The following MBD5 variants were observed in gnomAD, a reference collection of about 807,000 sequenced individuals.
MBD5 encodes the protein methyl-CpG-binding domain protein 5.
Under a neutral mutation model 117.3 loss-of-function variants are expected in MBD5, and 13 were observed. The ratio of observed to expected loss-of-function variants is 0.11; its 90% CI spans 0.07 to 0.18. The LOEUF is 0.18. Ranked by LOEUF, MBD5 falls within the 10% of genes least tolerant of loss-of-function variation. The pLI is 1.00. For synonymous variants in MBD5, 727 were observed against 766.4 expected, an observed-to-expected ratio of 0.95 and a Z score of 0.85; for missense variants, 1,879 against 2,093.8, an observed-to-expected ratio of 0.90 and a Z score of 2.00.
chr2:148,490,644 A>C, intron 11 of MBD5, 50 bp downstream of exon 11: 1 of 1,605,438 alleles, frequency 6.2e-7, no homozygotes, highest in Non-Finnish European at 8.5e-7. Flanking sequence ...TTCAGATATC[A>C]ATTATTGCTT....
chr2:148,312,130 T>G (rs1574272200), intron 3 of MBD5, among the ~76,000 whole-genome samples: 1 of 152,142 alleles, frequency 6.6e-6, no homozygotes, highest in African/African-American at 2.4e-5. Context: ...ATGTGTCTTG[T>G]GGTTGCTCTT....
At chr2:148,370,499 A>AT (rs1269833756) in intron 4 of MBD5, among the ~76,000 whole-genome samples, 1 of 151,850 alleles carries the variant, frequency 6.6e-6, no homozygotes, top group Non-Finnish European at 1.5e-5. Context: ...TTATTTATTT[A>AT]TTATTTACTT....
intron 3 of MBD5, among the ~76,000 whole-genome samples, chr2:148,327,842 C>T (rs1219594346): frequency 6.6e-6 from 1 of 152,192 alleles, no homozygotes; most frequent in Non-Finnish European, 1.5e-5. Flanking sequence ...TCTCTCAGCT[C>T]GTCAAAGTCA....
chr2:148,163,367 G>A (rs993409878), intron 1 of MBD5, among the ~76,000 whole-genome samples: 4 of 152,082 alleles, frequency 2.6e-5, no homozygotes, highest in South Asian at 2.1e-4. Flanking sequence ...GATTTCCATC[G>A]GTTAATTTGC....
At chr2:148,492,188 G>A (rs544980259) in intron 11 of MBD5, among the ~76,000 whole-genome samples, 1 of 150,548 alleles carries the variant, frequency 6.6e-6, no homozygotes, top group South Asian at 2.1e-4. Context: ...AAAAAAAAAC[G>A]AAGAGAAAAA....
In MBD5 at chr2:148,515,665, T is replaced by C. The variant is rs1180196049; in HGVS notation, c.*2724T>C. 1 of 152,216 alleles carries C rather than the reference T, an allele frequency of 6.6e-6. No homozygotes were observed. Among genetic ancestry groups the C allele is most frequent in the Non-Finnish European group, 1.5e-5 (1 of 68,036 alleles). The allele number at this position is 152,216 out of a possible 1,614,324, so 9.4% of individuals were successfully genotyped here. On this transcript the variant is annotated 3_prime_UTR_variant, in exon 14 of 14. Transcript: ENST00000642680. ...AAAATTTTTATTCCCTAAAATAAAC[T>C]TTTTAAGAAACAAATCCAAGAATGG...
chr2:148,048,285 C>T (rs1217867060), intron 1 of MBD5, among the ~76,000 whole-genome samples: 2 of 152,128 alleles, frequency 1.3e-5, no homozygotes, highest in African/African-American at 4.8e-5. Flanking sequence ...TATATTAAGG[C>T]TCCTGATAGG....
intron 3 of MBD5, among the ~76,000 whole-genome samples, chr2:148,324,253 G>A (rs540162199): frequency 7.2e-5 from 11 of 152,252 alleles, no homozygotes; most frequent in Non-Finnish European, 1.5e-5. Flanking sequence ...TAGCCTTGTA[G>A]TATAGTTTGA....
chr2:148,263,338 G>T (rs1700777126), intron 3 of MBD5, among the ~76,000 whole-genome samples: 1 of 152,152 alleles, frequency 6.6e-6, no homozygotes. Flanking sequence ...GTACACAGTT[G>T]TGGTGTGTGC....
intron 1 of MBD5, among the ~76,000 whole-genome samples, chr2:148,167,946 C>T (rs1301402820): frequency 6.6e-6 from 1 of 152,168 alleles, no homozygotes; most frequent in Non-Finnish European, 1.5e-5. Context: ...AGACTGCTGA[C>T]TGGTAAAACT....
At chr2:148,486,739 C>T (rs938130619) in intron 10 of MBD5, among the ~76,000 whole-genome samples, 1 of 152,104 alleles carries the variant, frequency 6.6e-6, no homozygotes, top group Non-Finnish European at 1.5e-5. Context: ...ATGAAAATAA[C>T]AATCAGAGTT....
chr2:148,502,870 T>C (rs1490633918), intron 12 of MBD5: 1 of 344,994 alleles, frequency 2.9e-6, no homozygotes, highest in Non-Finnish European at 5.4e-6. Context: ...TCAAATACTT[T>C]GGGGAGTAAA....
chr2:148,216,579 A>G (rs951746088), intron 2 of MBD5, among the ~76,000 whole-genome samples: 2 of 152,224 alleles, frequency 1.3e-5, no homozygotes, highest in African/African-American at 4.8e-5. Context: ...ATGCTTGGCT[A>G]CTTATATAAA....
At chr2:148,457,229 G>A (rs1706913052) in intron 4 of MBD5, among the ~76,000 whole-genome samples, 1 of 151,762 alleles carries the variant, frequency 6.6e-6, no homozygotes, top group African/African-American at 2.4e-5. Flanking sequence ...TGAATCTGTG[G>A]ACAATGCTGC....
rs929881996 is a variant in MBD5, at chr2:148,239,794, A to C, written c.-680+6399A>C. ...ATGAACGTGGCTCAGTGCAGCCTTA[A>C]CCTCCTGATCCTCCCACATCAGCCT... On this transcript the variant is annotated intron_variant, in intron 3 of 13. Transcript: ENST00000642680. Among the ~76,000 whole-genome samples the C allele has an allele frequency of 3.3e-4, 50 of 151,774 alleles. No homozygotes were observed. In the East Asian group the frequency reaches 8.4e-3, roughly 25 times the overall value.
intron 3 of MBD5, among the ~76,000 whole-genome samples, chr2:148,313,723 C>G (rs996242155): frequency 6.6e-6 from 1 of 152,166 alleles, no homozygotes; most frequent in African/African-American, 2.4e-5. Flanking sequence ...CAGTGTCTAC[C>G]CAAATGGCTG....
chr2:148,473,011 A>T (rs1368612163), intron 8 of MBD5, among the ~76,000 whole-genome samples: 1 of 152,140 alleles, frequency 6.6e-6, no homozygotes, highest in Admixed American at 6.6e-5. Context: ...TTTTCCTCCC[A>T]GCTGCATAAA....
chr2:148,510,053 A>C lies in MBD5; in HGVS notation c.5037-7A>C. 1 of 1,601,268 alleles carries C rather than the reference A, an allele frequency of 6.2e-7. No homozygotes were observed. The highest frequency in any genetic ancestry group is 8.6e-7 in the Non-Finnish European group (1 of 1,168,742). On this transcript the variant is annotated splice_polypyrimidine_tract_variant and splice_region_variant and intron_variant, in intron 12 of 13. Coordinates refer to ENST00000642680, the MANE Select transcript of MBD5 (RefSeq NM_001378120.1). ...TTAATCTGGTGTGTTGTTTTCATTA[A>C]TTCCAGAAGTGGAAAGCTAAATAAC...
chr2:148,195,126 G>T (rs1048122338), intron 2 of MBD5, among the ~76,000 whole-genome samples: 3 of 151,206 alleles, frequency 2.0e-5, no homozygotes, highest in Non-Finnish European at 4.4e-5. Context: ...TTTTGTAGGG[G>T]GTTAGATATA....
Sources: gnomAD v4.1 joint callset for allele counts (sites outside exome capture counted in the v4.1 genomes callset) on GRCh38, gnomAD v4.1.1 for gene constraint, MANE v1.5 for transcripts, NCBI Gene and HGNC (gene_info 2026-07-23, HGNC 2026-07-21) for gene names.